Variants in DOCK10 observed in about 807,000 individuals in gnomAD.
DOCK10 encodes the protein dedicator of cytokinesis protein 10.
In DOCK10, 145 loss-of-function variants were observed where a neutral mutation model predicts 280.1. The ratio of observed to expected loss-of-function variants is 0.52; its 90% CI spans 0.45 to 0.59. The LOEUF is 0.59. Ranked by LOEUF, DOCK10 falls within the 20% of genes least tolerant of loss-of-function variation. The pLI is 0.00. For synonymous variants in DOCK10, 915 were observed against 942.2 expected (o/e 0.97, Z 0.53); for missense variants, 2,368 against 2,651.7 (o/e 0.89, Z 2.35).
chr2:224,908,212 T>A (rs968151464), intron 3 of DOCK10, among the ~76,000 whole-genome samples: 2 of 136,678 alleles, frequency 1.5e-5, no homozygotes, highest in Admixed American at 7.1e-5. Context: ...GTATTTTTTA[T>A]GGACAGCTAG....
At chr2:224,870,815 ATTTTTT>A (rs71410336) in intron 11 of DOCK10, among the ~76,000 whole-genome samples, 36 of 52,590 alleles carry the variant, frequency 6.8e-4, no homozygotes, top group African/African-American at 2.8e-3. Flanking sequence ...TGGCCACTCC[ATTTTTT>A]TTTTTTTTTT....
chr2:224,873,224 T>C (rs779596076), intron 11 of DOCK10, among the ~76,000 whole-genome samples: 1 of 152,178 alleles, frequency 6.6e-6, no homozygotes, highest in African/African-American at 2.4e-5. Flanking sequence ...TTAGCTTTGA[T>C]TTTTCTCTAA....
chr2:224,951,754 G>A (rs980615373), intron 1 of DOCK10, among the ~76,000 whole-genome samples: 1 of 152,186 alleles, frequency 6.6e-6, no homozygotes, highest in Admixed American at 6.5e-5. Flanking sequence ...AGTGTCAACA[G>A]GGTGGTATCT....
intron 3 of DOCK10, among the ~76,000 whole-genome samples, chr2:224,904,517 T>A (rs1700475066): frequency 6.6e-6 from 1 of 152,114 alleles, no homozygotes; most frequent in Non-Finnish European, 1.5e-5. Context: ...ACTATAGGAG[T>A]TAGTTCTAGG....
intron 11 of DOCK10, among the ~76,000 whole-genome samples, chr2:224,872,046 C>A (rs778259593): frequency 1.3e-5 from 2 of 152,144 alleles, no homozygotes; most frequent in African/African-American, 2.4e-5. Context: ...AATGAATAAA[C>A]CTGACTTCAA....
chr2:224,819,233 T>C (rs1328619921), intron 29 of DOCK10, among the ~76,000 whole-genome samples: 1 of 152,162 alleles, frequency 6.6e-6, no homozygotes, highest in African/African-American at 2.4e-5. Flanking sequence ...AGAAATGAAA[T>C]GTAAACACTT....
intron 4 of DOCK10, among the ~76,000 whole-genome samples, chr2:224,892,441 G>GAAAAGAAAAGAAAAA (rs1699749889): frequency 7.3e-6 from 1 of 136,394 alleles, no homozygotes; most frequent in African/African-American, 2.7e-5. Context: ...GAAAAGAAAA[G>GAAAAGAAAAGAAAAA]AAAAGAAAAA....
chr2:224,905,022 C>A (rs1575030637), intron 3 of DOCK10, among the ~76,000 whole-genome samples: 1 of 152,076 alleles, frequency 6.6e-6, no homozygotes. Flanking sequence ...CAAGTCTTAT[C>A]TTGAATATTC....
chr2:224,896,396 A>G lies in DOCK10; in HGVS notation c.334-19T>C, dbSNP rs758200544. On this transcript the variant is annotated intron_variant, in intron 3 of 55. Transcript: ENST00000258390. ...TACAAGCCTGAAAGAAAGAAAAATG[A>G]CAATTATTAATATAAAAATTATCAT... The G allele has an allele frequency of 2.8e-6, 4 of 1,452,538 alleles. No homozygotes were observed. In the South Asian group the frequency reaches 4.9e-5, roughly 18 times the overall value. The allele number at this position is 1,452,538 out of a possible 1,614,324, so 90.0% of individuals were successfully genotyped here.
At position 224,772,378 on chromosome 2, in the gene DOCK10, C is replaced by T. The variant is rs570920324; in HGVS notation, c.6204+779G>A. The stretch of plus-strand genomic sequence containing the variant: ...CCTTATTCCTGAGTTGCTTGGAGCT[C>T]CCTTTAATTTTGTGCCCAAGGTGAG... On this transcript the variant is annotated intron_variant, in intron 53 of 55. Coordinates refer to ENST00000258390, the MANE Select transcript of DOCK10 (RefSeq NM_014689.3). Among the ~76,000 whole-genome samples the T allele has an allele frequency of 5.9e-5, 9 of 152,232 alleles. No individual in the cohort carries two copies. In the East Asian group the frequency reaches 1.7e-3, roughly 29 times the overall value.
At chr2:225,030,398 G>A (rs1341559542) in intron 1 of DOCK10, among the ~76,000 whole-genome samples, 2 of 151,968 alleles carry the variant, frequency 1.3e-5, no homozygotes, top group Non-Finnish European at 2.9e-5. Context: ...AACATAAACC[G>A]CTCTCCATCA....
At chr2:224,973,910 C>T (rs948135626) in intron 1 of DOCK10, among the ~76,000 whole-genome samples, 16 of 152,170 alleles carry the variant, frequency 1.1e-4, no homozygotes, top group Non-Finnish European at 1.9e-4. Context: ...GGCATTTTCT[C>T]ATGTGGTTTC....
rs187510555 is a variant in DOCK10, at chr2:224,833,247, T to G, written c.2964+903A>C. On this transcript the variant is annotated intron_variant, in intron 26 of 55. Transcript: ENST00000258390. Reference sequence around the variant, plus strand: ...CCAACGACACAACTCCCAGTTCTGCTCTGAGTGGGAACGCCTGGCCTATGC... The same window carrying G: ...CCAACGACACAACTCCCAGTTCTGCGCTGAGTGGGAACGCCTGGCCTATGC... 1.6e-3 allele frequency among the ~76,000 whole-genome samples: 247 copies of G among 151,920 alleles called. 2 individuals carry two copies. The highest frequency in any genetic ancestry group is 5.6e-3 in the African/African-American group (229 of 41,228).
Position 224,973,405 on chromosome 2 carries a change from C to G in DOCK10, c.124-41737G>C, listed in dbSNP as rs561991937. On this transcript the variant is annotated intron_variant, in intron 1 of 55. Transcript: ENST00000258390. ...GCCAATGTAATCACAGGGGTCCTTA[C>G]GAGTGAAAGAGGAAGGTGGGAGAGT... Among the ~76,000 whole-genome samples, 3 of 152,066 alleles carry G rather than the reference C, an allele frequency of 2.0e-5. No individual in the cohort carries two copies. In the South Asian group the frequency reaches 6.2e-4, roughly 32 times the overall value.
At chr2:224,782,958 C>A (rs748799724) in intron 50 of DOCK10, among the ~76,000 whole-genome samples, 1 of 152,166 alleles carries the variant, frequency 6.6e-6, no homozygotes, top group Non-Finnish European at 1.5e-5. Flanking sequence ...ATCTTCGGAA[C>A]CTTCATTCTG....
rs139022881 is a variant in DOCK10, at chr2:225,004,125, A to G, written c.123+38127T>C. On this transcript the variant is annotated intron_variant, in intron 1 of 55. Transcript: ENST00000258390. ...CCCCCAAAGATATGCCCATATCCCA[A>G]TCACTGGAACTCATGAATGTGACCT... 3.1e-3 allele frequency among the ~76,000 whole-genome samples: 468 copies of G among 152,328 alleles called. 4 individuals are homozygous for G. Among genetic ancestry groups the G allele is most frequent in the African/African-American group, 0.011 (448 of 41,572 alleles).
At chr2:224,813,151 C>G (rs892371979) in intron 31 of DOCK10, among the ~76,000 whole-genome samples, 2 of 152,176 alleles carry the variant, frequency 1.3e-5, no homozygotes, top group Non-Finnish European at 1.5e-5. Flanking sequence ...AATCATTTCA[C>G]AACGCATACA....
At chr2:224,892,584 G>A (rs1699759852) in intron 4 of DOCK10, among the ~76,000 whole-genome samples, 1 of 152,122 alleles carries the variant, frequency 6.6e-6, no homozygotes, top group South Asian at 2.1e-4. Context: ...GAAGCAGCTG[G>A]TTGTGTGATG....
At chr2:224,973,767 A>G (rs369158399) in intron 1 of DOCK10, among the ~76,000 whole-genome samples, 7 of 152,316 alleles carry the variant, frequency 4.6e-5, no homozygotes, top group African/African-American at 7.2e-5. Context: ...ACAGACAGGG[A>G]AGCCAAGGTA....
Sources: gnomAD v4.1 joint callset for allele counts (sites outside exome capture counted in the v4.1 genomes callset) on GRCh38, gnomAD v4.1.1 for gene constraint, MANE v1.5 for transcripts, NCBI Gene and HGNC (gene_info 2026-07-23, HGNC 2026-07-21) for gene names.